RRM1: variants seen among roughly 807,000 people sequenced by gnomAD.
RRM1 encodes ribonucleotide reductase catalytic subunit M1.
Under a neutral mutation model 101.5 loss-of-function variants are expected in RRM1, and 19 were observed. That is an observed-to-expected ratio of 0.19 (90% CI 0.13 to 0.27). The LOEUF (loss-of-function observed/expected upper bound fraction) is 0.27. Among genes scored for constraint, RRM1 ranks in the 10% least tolerant of loss-of-function variants. The probability of loss-of-function intolerance (pLI) is 1.00; values close to 1 mark genes in which losing one functional copy is unlikely to be tolerated. For missense variants in RRM1, 500 were observed against 962.9 expected, an observed-to-expected ratio of 0.52 and a Z score of 6.36; for synonymous variants, 298 against 323.4, an observed-to-expected ratio of 0.92 and a Z score of 0.84.
Position 4,106,032 on chromosome 11 carries a change from T to C in RRM1, c.109-14T>C. 6.2e-7 allele frequency: 1 copy of C among 1,603,220 alleles called. No homozygotes were observed. Among genetic ancestry groups the C allele is most frequent in the African/African-American group, 1.3e-5 (1 of 74,312 alleles). ...TTGGGAAAGCTCAAGTAATTCTTGGTTTTATTTTTGTAGGCTCAGATCACC... is the reference window on the plus strand; with the variant it reads ...TTGGGAAAGCTCAAGTAATTCTTGGCTTTATTTTTGTAGGCTCAGATCACC... On this transcript the variant is annotated splice_polypyrimidine_tract_variant and intron_variant, in intron 2 of 18. Coordinates refer to ENST00000300738, the MANE Select transcript of RRM1 (RefSeq NM_001033.5).
rs1235882420 is a variant in RRM1, at chr11:4,130,088, T to TATATATATA, written c.1769+938_1769+939insATATATATA. On this transcript the variant is annotated intron_variant, in intron 15 of 18. Coordinates refer to ENST00000300738, the MANE Select transcript of RRM1 (RefSeq NM_001033.5). ...TATTTATATATATATATATATATAT[T>TATATATATA]TTTTTTTTTTTTTTTTCCCCTCAAA... Among the ~76,000 whole-genome samples, 253 of 48,104 alleles carry TATATATATA rather than the reference T, an allele frequency of 5.3e-3. 1 individual carries two copies. The highest frequency in any genetic ancestry group is 0.016 in the East Asian group (25 of 1,574). 31.6% of individuals were successfully genotyped at this position (48,104 alleles called of 152,430 possible). A position where few individuals can be genotyped will look rare whatever the true frequency, so the allele number is the denominator to read the frequency against.
rs546507367 is a variant in RRM1 at position 4,115,225 on chromosome 11, C to A, written c.651-3095C>A. On this transcript the variant is annotated intron_variant, in intron 7 of 18. Transcript: ENST00000300738. Reference sequence around the variant, plus strand: ...AAATGTCAGGTCGAAATTCCTGGAACCTGTAAATGTTACCTGATAAGGAAA... The same window carrying A: ...AAATGTCAGGTCGAAATTCCTGGAAACTGTAAATGTTACCTGATAAGGAAA... Among the ~76,000 whole-genome samples the A allele has an allele frequency of 4.6e-5, 7 of 152,178 alleles. No individual in the cohort carries two copies. The East Asian group carries it at 9.7e-4, about 21-fold the overall frequency.
chr11:4,100,039 T>G (rs978824872), intron 1 of RRM1, among the ~76,000 whole-genome samples: 2 of 152,226 alleles, frequency 1.3e-5, no homozygotes, highest in African/African-American at 4.8e-5. Flanking sequence ...GAGGTTTCAG[T>G]CCCAGTGCCA....
Position 4,095,736 on chromosome 11 carries a change from A to T in RRM1, c.19+705A>T, listed in dbSNP as rs374411847. Among the ~76,000 whole-genome samples, 28 of 152,280 alleles carry T rather than the reference A, an allele frequency of 1.8e-4. No homozygotes were observed. In the South Asian group the frequency reaches 4.1e-3, roughly 23 times the overall value. ...TCAGGAACTCGTATTCTTTCTCAAC[A>T]GTTCTTTTTCATTAGACTTGCCAAG... On this transcript the variant is annotated intron_variant, in intron 1 of 18. Coordinates refer to ENST00000300738, the MANE Select transcript of RRM1 (RefSeq NM_001033.5).
intron 7 of RRM1, among the ~76,000 whole-genome samples, chr11:4,115,678 T>G (rs941748097): frequency 6.6e-6 from 1 of 152,086 alleles, no homozygotes; most frequent in Non-Finnish European, 1.5e-5. Context: ...TGCCTCAGCC[T>G]CCTGAGTAGC....
intron 11 of RRM1, among the ~76,000 whole-genome samples, chr11:4,122,656 T>G (rs4910887): frequency 0.38 from 56,970 of 151,844 alleles, 10,840 homozygotes; most frequent in South Asian, 0.46. Context: ...GTGGATCATT[T>G]GAGGTCAGGA....
chr11:4,112,048 C>T lies in RRM1; in HGVS notation c.636C>T (p.Arg212=), dbSNP rs764913260. Residue 212 remains arginine (R), a synonymous_variant, in exon 7 of 19, where the codon CGC becomes CGT. Transcript: ENST00000300738. ...SPTLFNAGTN[R]PQLSSCFLLS... ...CTCTCTTCAATGCTGGTACCAACCGCCCACAACTTTCTAGGTAGGTGTTTT... is the reference window on the plus strand; with the variant it reads ...CTCTCTTCAATGCTGGTACCAACCGTCCACAACTTTCTAGGTAGGTGTTTT... 4 of 1,613,090 alleles carry T rather than the reference C, an allele frequency of 2.5e-6. No individual in the cohort carries two copies. The Admixed American group carries it at 6.7e-5, about 27-fold the overall frequency.
At chr11:4,101,858 G>A in intron 1 of RRM1, 135 bp from the exon 2 acceptor site, 1 of 605,642 alleles carries the variant, frequency 1.7e-6, no homozygotes, top group Admixed American at 3.3e-5. Flanking sequence ...CTTTTGAGGG[G>A]GCCTCAATCT....
chr11:4,111,379 C>T (rs939419657), intron 5 of RRM1, among the ~76,000 whole-genome samples: 1 of 150,756 alleles, frequency 6.6e-6, no homozygotes, highest in African/African-American at 2.5e-5. Context: ...CCACTGCACC[C>T]CAGCCTGGGC....
In RRM1 at chr11:4,106,092, C is replaced by T. The variant is rs1216747422; in HGVS notation, c.155C>T (p.Thr52Ile). ...KVIQGLYSGV[T>I]TVELDTLAAE... The stretch of plus-strand genomic sequence containing the variant: ...ATCCAAGGCTTGTACAGTGGGGTCA[C>T]CACAGTGGAACTAGATACTTTGGCT... The change falls in exon 3 of 19, where the codon ACC (threonine) becomes ATC (isoleucine). Residue 52 changes from threonine (T) to isoleucine (I), a missense_variant. Physicochemically the swap from Thr to Ile is moderately conservative, Grantham distance 89. Around this residue, in one of 9 missense-constraint regions of RRM1, gnomAD observed 44 missense variants for 119.4 expected, o/e 0.37. Coordinates refer to ENST00000300738, the MANE Select transcript of RRM1 (RefSeq NM_001033.5). 5.6e-6 allele frequency: 9 copies of T among 1,613,840 alleles called. No homozygotes were observed. The South Asian group carries it at 8.8e-5, about 16-fold the overall frequency.
intron 18 of RRM1, among the ~76,000 whole-genome samples, chr11:4,136,883 G>A (rs901582996): frequency 3.3e-5 from 5 of 151,806 alleles, no homozygotes; most frequent in Admixed American, 6.6e-5. Context: ...AGTGAACAAA[G>A]GTCTCTGGTT....
chr11:4,107,320 AGGTG>A, intron 3 of RRM1, 111 bp from the exon 4 acceptor site: 2 of 681,122 alleles, frequency 2.9e-6, no homozygotes, highest in Non-Finnish European at 5.2e-6. Context: ...CTAGGCATTG[AGGTG>A]GGTTGAGATG....
intron 9 of RRM1, among the ~76,000 whole-genome samples, chr11:4,121,281 T>G (rs917419333): frequency 2.6e-5 from 4 of 152,316 alleles, no homozygotes; most frequent in African/African-American, 9.6e-5. Flanking sequence ...TCCTTTGGGC[T>G]TTATGTACAT....
chr11:4,125,815 A>G (rs2094588556), intron 12 of RRM1, among the ~76,000 whole-genome samples: 1 of 152,100 alleles, frequency 6.6e-6, no homozygotes, highest in African/African-American at 2.4e-5. Flanking sequence ...CCTGGCATTT[A>G]TTAGACTTCT....
intron 12 of RRM1, among the ~76,000 whole-genome samples, chr11:4,125,121 G>T (rs2094587557): frequency 6.6e-6 from 1 of 151,818 alleles, no homozygotes; most frequent in Admixed American, 6.6e-5. Flanking sequence ...CACTATGTTG[G>T]CCAGGATGGT....
At chr11:4,136,217 TTATG>T (rs373055092) in intron 18 of RRM1, among the ~76,000 whole-genome samples, 1 of 151,462 alleles carries the variant, frequency 6.6e-6, no homozygotes, top group Admixed American at 6.6e-5. Flanking sequence ...GTATTTTATT[TTATG>T]TATGTATGTA....
At chr11:4,127,558 A>G (rs547153017) in intron 14 of RRM1, among the ~76,000 whole-genome samples, 1 of 152,256 alleles carries the variant, frequency 6.6e-6, no homozygotes, top group Non-Finnish European at 1.5e-5. Context: ...AATGCTGATA[A>G]CCACTAGAAG....
intron 4 of RRM1, 39 bp from the exon 5 acceptor site, chr11:4,109,605 A>G: frequency 6.5e-7 from 1 of 1,533,392 alleles, no homozygotes; most frequent in African/African-American, 1.4e-5. Context: ...ATAAGTAATT[A>G]TTTTAATTTA....
Position 4,101,557 on chromosome 11 carries a change from A to ACCC in RRM1, c.20-435_20-434insCCC, listed in dbSNP as rs200112921. On this transcript the variant is annotated intron_variant, in intron 1 of 18. Coordinates refer to ENST00000300738, the MANE Select transcript of RRM1 (RefSeq NM_001033.5). ...TCGAACTCCTGACCTCCAGTGATCC[A>ACCC]CACCCCCCCCCGCTCCCTTGGCCTC... Among the ~76,000 whole-genome samples, 349 of 43,530 alleles carry ACCC rather than the reference A, an allele frequency of 8.0e-3. 6 individuals are homozygous for ACCC. The highest frequency in any genetic ancestry group is 0.022 in the African/African-American group (311 of 14,274). 28.6% of individuals were successfully genotyped at this position (43,530 alleles called of 152,430 possible). A position where few individuals can be genotyped will look rare whatever the true frequency, so the allele number is the denominator to read the frequency against.
Sources: gnomAD v4.1 joint callset for allele counts (sites outside exome capture counted in the v4.1 genomes callset) on GRCh38, gnomAD v4.1.1 for gene constraint, gnomAD v4.1.1 regional missense constraint, MANE v1.5 for transcripts, NCBI Gene and HGNC (gene_info 2026-07-23, HGNC 2026-07-21) for gene names.